Variants in PCDH15 observed in about 807,000 individuals in gnomAD.
The protein encoded by PCDH15 is protocadherin-15.
Under a neutral mutation model 178.5 loss-of-function variants are expected in PCDH15, and 129 were observed. The ratio of observed to expected loss-of-function variants is 0.72; its 90% CI spans 0.63 to 0.84. PCDH15 has a LOEUF of 0.84. Among genes scored for constraint, PCDH15 ranks in the 40% least tolerant of loss-of-function variants. PCDH15 has a pLI of 0.00. For synonymous variants in PCDH15, 800 were observed against 732.0 expected (o/e 1.09, Z -1.50); for missense variants, 2,230 against 2,099.9 (o/e 1.06, Z -1.21).
intron 2 of PCDH15, among the ~76,000 whole-genome samples, chr10:55,035,861 AT>A (rs918279491): frequency 2.0e-5 from 3 of 151,958 alleles, no homozygotes; most frequent in South Asian, 4.2e-4. Context: ...TGAATGTCCA[AT>A]TTTTTTTATA....
Position 53,806,978 on chromosome 10 carries a change from A to G in PCDH15, c.4824T>C (p.Asn1608=). The change falls in exon 38 of 38, where the codon AAT becomes AAC. Residue 1608 remains asparagine, a synonymous_variant. Coordinates refer to ENST00000644397, the MANE Select transcript of PCDH15 (RefSeq NM_001384140.1). Reference sequence around the variant, plus strand: ...CACGGCGGGTTCTCACCACAGAACCATTCTGTGCAATATATATATTGCCGT... The same window carrying G: ...CACGGCGGGTTCTCACCACAGAACCGTTCTGTGCAATATATATATTGCCGT... ...NINGNIYIAQ[N]GSVVRTRRAC... The G allele has an allele frequency of 6.2e-7, 1 of 1,613,842 alleles. No homozygotes were observed. Among genetic ancestry groups the G allele is most frequent in the East Asian group, 2.2e-5 (1 of 44,870 alleles).
At chr10:53,809,205 C>G (rs756168953) in intron 37 of PCDH15, 25 of 1,613,850 alleles carry the variant, frequency 1.5e-5, no homozygotes, top group African/African-American at 4.0e-5. Flanking sequence ...ACTCACTGAA[C>G]TCAGACTCTT....
At chr10:54,246,751 T>G (rs2132013130) in intron 8 of PCDH15, among the ~76,000 whole-genome samples, 1 of 152,062 alleles carries the variant, frequency 6.6e-6, no homozygotes, top group South Asian at 2.1e-4. Context: ...ACTGTCAGTT[T>G]TCTAACGTGG....
At position 53,806,497 on chromosome 10, in the gene PCDH15, A is replaced by ATTGTT; in HGVS notation, c.*77_*81dup. The ATTGTT allele has an allele frequency of 8.4e-7, 1 of 1,197,298 alleles. No individual in the cohort carries two copies. Among genetic ancestry groups the ATTGTT allele is most frequent in the East Asian group, 2.6e-5 (1 of 38,980 alleles). 74.2% of individuals were successfully genotyped at this position (1,197,298 alleles called of 1,614,324 possible). On this transcript the variant is annotated 3_prime_UTR_variant, in exon 38 of 38. Coordinates refer to ENST00000644397, the MANE Select transcript of PCDH15 (RefSeq NM_001384140.1). ...TGTGTGCATGATATAAATTCCATAC[A>ATTGTT]TTGTTTTCTCAGTGACAATAAAAAG...
chr10:53,955,750 G>A (rs946929204), intron 23 of PCDH15, among the ~76,000 whole-genome samples: 2 of 152,188 alleles, frequency 1.3e-5, no homozygotes, highest in Non-Finnish European at 2.9e-5. Context: ...ATCCCAACAC[G>A]AAAGACCATC....
chr10:54,612,360 T>C (rs1030133402), intron 2 of PCDH15, among the ~76,000 whole-genome samples: 2 of 151,886 alleles, frequency 1.3e-5, no homozygotes, highest in Admixed American at 6.6e-5. Flanking sequence ...AGGTTCAGTA[T>C]CTTAACCTCA....
intron 2 of PCDH15, among the ~76,000 whole-genome samples, chr10:55,324,754 A>G (rs72803862): frequency 0.023 from 3,471 of 152,258 alleles, 61 homozygotes; most frequent in Non-Finnish European, 0.035. Flanking sequence ...AGACATCTAC[A>G]GAAATCTAAA....
intron 3 of PCDH15, among the ~76,000 whole-genome samples, chr10:54,476,816 C>G (rs1009254326): frequency 6.6e-6 from 1 of 152,142 alleles, no homozygotes; most frequent in African/African-American, 2.4e-5. Flanking sequence ...ACAGGCCCAT[C>G]ATGGGGTCAA....
intron 3 of PCDH15, among the ~76,000 whole-genome samples, chr10:54,807,993 A>T (rs2133725093): frequency 6.6e-6 from 1 of 151,896 alleles, no homozygotes; most frequent in East Asian, 1.9e-4. Flanking sequence ...ATTTATATAA[A>T]TTTTATAGTT....
intron 21 of PCDH15, among the ~76,000 whole-genome samples, chr10:53,973,854 T>TTA (rs1250036629): frequency 6.6e-6 from 1 of 152,184 alleles, no homozygotes; most frequent in African/African-American, 2.4e-5. Flanking sequence ...ATTGGTAAAG[T>TTA]AACATAGTCT....
intron 3 of PCDH15, among the ~76,000 whole-genome samples, chr10:54,465,186 G>A (rs575887006): frequency 1.9e-4 from 29 of 151,860 alleles, no homozygotes; most frequent in East Asian, 1.4e-3. Flanking sequence ...TTTGTTACAC[G>A]CGTATAACAT....
chr10:54,629,949 G>T (rs1254194848), intron 2 of PCDH15, among the ~76,000 whole-genome samples: 7 of 151,976 alleles, frequency 4.6e-5, no homozygotes, highest in African/African-American at 1.4e-4. Context: ...CACCAATAAT[G>T]TTCAAGTTGG....
At chr10:54,233,627 G>C (rs1251609389) in intron 9 of PCDH15, among the ~76,000 whole-genome samples, 2 of 152,158 alleles carry the variant, frequency 1.3e-5, no homozygotes, top group African/African-American at 4.8e-5. Flanking sequence ...GTGTTTTGTA[G>C]ATATCTTTTA....
chr10:54,851,332 T>TA (rs1431639468), intron 3 of PCDH15, among the ~76,000 whole-genome samples: 1 of 152,102 alleles, frequency 6.6e-6, no homozygotes, highest in Non-Finnish European at 1.5e-5. Flanking sequence ...GTATGGAAGA[T>TA]ACATTTTTAA....
chr10:54,328,704 G>T (rs1439211262), intron 7 of PCDH15, among the ~76,000 whole-genome samples: 1 of 151,900 alleles, frequency 6.6e-6, no homozygotes, highest in Non-Finnish European at 1.5e-5. Flanking sequence ...GTTGCATTCA[G>T]ACTTGAAATG....
At chr10:55,044,862 C>T (rs1840958618) in intron 2 of PCDH15, among the ~76,000 whole-genome samples, 1 of 152,086 alleles carries the variant, frequency 6.6e-6, no homozygotes, top group Non-Finnish European at 1.5e-5. Flanking sequence ...AATCCCCACC[C>T]TCAATGGACT....
intron 18 of PCDH15, among the ~76,000 whole-genome samples, chr10:54,048,204 T>C (rs974047188): frequency 6.6e-6 from 1 of 152,194 alleles, no homozygotes; most frequent in Non-Finnish European, 1.5e-5. Context: ...CTTGTATGTC[T>C]TGAGAAGTGT....
intron 21 of PCDH15, among the ~76,000 whole-genome samples, chr10:53,981,706 C>T (rs2134623182): frequency 6.7e-6 from 1 of 150,116 alleles, no homozygotes. Flanking sequence ...GACCTAAAAC[C>T]ATAAAAACCC....
chr10:54,352,519 G>A lies in PCDH15; in HGVS notation c.475-6035C>T, dbSNP rs576662186. On this transcript the variant is annotated intron_variant, in intron 5 of 37. Coordinates refer to ENST00000644397, the MANE Select transcript of PCDH15 (RefSeq NM_001384140.1). ...AAATGGAGAATATCTGAAGGATACT[G>A]AATTTTAGATAAGCTGAAACAGAAT... is the stretch of plus-strand genomic sequence containing the variant. 2.6e-5 allele frequency among the ~76,000 whole-genome samples: 4 copies of A among 152,200 alleles called. No individual in the cohort carries two copies. The South Asian group carries it at 8.3e-4, about 32-fold the overall frequency.
Sources: gnomAD v4.1 joint callset for allele counts (sites outside exome capture counted in the v4.1 genomes callset) on GRCh38, gnomAD v4.1.1 for gene constraint, MANE v1.5 for transcripts, NCBI Gene and HGNC (gene_info 2026-07-23, HGNC 2026-07-21) for gene names.